Variants in CRYBA4 observed in about 807,000 individuals in gnomAD.
CRYBA4 encodes the protein crystallin beta A4.
A neutral mutation model predicts 31.7 loss-of-function variants in CRYBA4; 30 were observed. That is an observed-to-expected ratio of 0.95 (90% CI 0.71 to 1.28). The LOEUF (loss-of-function observed/expected upper bound fraction) is 1.28, where lower values mean the gene tolerates loss of function less well. Ranked by LOEUF, CRYBA4 falls within the 50% of genes most tolerant of loss-of-function variation. The probability of loss-of-function intolerance (pLI) is 0.00; values close to 1 mark genes in which losing one functional copy is unlikely to be tolerated. For missense variants in CRYBA4, 225 were observed against 260.7 expected, an observed-to-expected ratio of 0.86 and a Z score of 0.94; for synonymous variants, 102 against 102.3, an observed-to-expected ratio of 1.00 and a Z score of 0.02.
the CRYBA4 span, among the ~76,000 whole-genome samples, chr22:26,599,988 A>G: frequency 6.6e-6 from 1 of 152,202 alleles, no homozygotes; most frequent in Admixed American, 6.5e-5. Flanking sequence ...GAATATGAAT[A>G]CACATCCCAT....
the CRYBA4 span, among the ~76,000 whole-genome samples, chr22:26,606,816 T>G: frequency 6.6e-6 from 1 of 152,206 alleles, no homozygotes; most frequent in South Asian, 2.1e-4. Flanking sequence ...CATCAGCAAC[T>G]AACATTGGTG....
chr22:26,620,106 CCTCT>C (rs1929486315), upstream of CRYBA4, among the ~76,000 whole-genome samples: 5 of 151,544 alleles, frequency 3.3e-5, no homozygotes, highest in Admixed American at 3.3e-4. Flanking sequence ...CCCTTTCCTT[CCTCT>C]CTCTCAGCCA....
the CRYBA4 span, among the ~76,000 whole-genome samples, chr22:26,593,714 T>C: frequency 9.9e-5 from 15 of 151,938 alleles, no homozygotes; most frequent in Admixed American, 4.6e-4. Flanking sequence ...GGAGTAGAGA[T>C]GGGATTTCTT....
chr22:26,617,032 C>G (rs185482724), upstream of CRYBA4, among the ~76,000 whole-genome samples: 147 of 152,368 alleles, frequency 9.6e-4, 1 homozygote, highest in Non-Finnish European at 1.5e-3. Flanking sequence ...TGAATGAATG[C>G]ATGCTCCCAG....
chr22:26,605,054 T>G, the CRYBA4 span, among the ~76,000 whole-genome samples: 1 of 152,174 alleles, frequency 6.6e-6, no homozygotes, highest in Non-Finnish European at 1.5e-5. Flanking sequence ...CTAGGAGTTT[T>G]GCACACACTG....
Position 26,622,626 on chromosome 22 carries a change from AC to A in CRYBA4, c.33del (p.Trp12GlyfsTer36). The stretch of plus-strand genomic sequence containing the variant: ...CCCTGCAATGCACAAAGTCAGCGGG[AC>A]CCTGGAAGGTAGGAAGAGGCATGGG... MTLQCTKSAGPWKMVVWDEDG... is the reference protein window; with the variant it reads MTLQCTKSAGXWKMVVWDEDG... On this transcript the variant is annotated frameshift_variant, in exon 2 of 6. Transcript: ENST00000354760. LOFTEE classifies it high-confidence loss of function. 1 of 1,595,106 alleles carries A rather than the reference AC, an allele frequency of 6.3e-7. No individual in the cohort carries two copies. The highest frequency in any genetic ancestry group is 8.5e-7 in the Non-Finnish European group (1 of 1,169,750).
the CRYBA4 span, among the ~76,000 whole-genome samples, chr22:26,591,890 T>TACACACACACACACACACAC: frequency 7.1e-4 from 96 of 135,954 alleles, no homozygotes; most frequent in East Asian, 1.1e-3. Context: ...CCTGGGTGAG[T>TACACACACACACACACACAC]ACACACACAC....
intron 4 of CRYBA4, 147 bp from the exon 5 acceptor site, chr22:26,628,141 C>T: frequency 1.0e-6 from 1 of 1,002,988 alleles, no homozygotes; most frequent in Non-Finnish European, 1.5e-6. Context: ...GGCAAGGTTT[C>T]TGGTACCTGT....
the CRYBA4 span, among the ~76,000 whole-genome samples, chr22:26,594,694 C>T: frequency 6.7e-6 from 1 of 150,008 alleles, no homozygotes. Flanking sequence ...CTAGCTAAAA[C>T]AAAAAACAAA....
chr22:26,620,811 C>T (rs1764399272), upstream of CRYBA4, among the ~76,000 whole-genome samples: 1 of 152,124 alleles, frequency 6.6e-6, no homozygotes, highest in South Asian at 2.1e-4. Context: ...GATCCACCCA[C>T]CTCGGCCTCC....
chr22:26,623,147 C>T (rs751712137), intron 2 of CRYBA4, 87 bp from the exon 3 acceptor site: 56 of 1,105,326 alleles, frequency 5.1e-5, no homozygotes, highest in Non-Finnish European at 7.7e-5. Flanking sequence ...CCCTGCTTTA[C>T]CTGCCAGATC....
At chr22:26,615,536 T>C in the CRYBA4 span, among the ~76,000 whole-genome samples, 1 of 151,472 alleles carries the variant, frequency 6.6e-6, no homozygotes, top group Non-Finnish European at 1.5e-5. Flanking sequence ...TTTTTTTTGA[T>C]GGAGTCTCCC....
intron 2 of CRYBA4, 102 bp downstream of exon 2, chr22:26,622,737 G>A (rs1929572389): frequency 4.5e-6 from 4 of 889,932 alleles, no homozygotes; most frequent in East Asian, 2.4e-5. Flanking sequence ...TTTCACAGAG[G>A]TGCAATCAAG....
chr22:26,609,131 GGACACT>G, the CRYBA4 span, among the ~76,000 whole-genome samples: 3 of 152,088 alleles, frequency 2.0e-5, no homozygotes, highest in Non-Finnish European at 2.9e-5. Context: ...ACGGATGAGG[GGACACT>G]GACACTAGCA....
the CRYBA4 span, among the ~76,000 whole-genome samples, chr22:26,612,358 T>A: frequency 6.6e-6 from 1 of 152,176 alleles, no homozygotes; most frequent in Non-Finnish European, 1.5e-5. Context: ...TTACTGATTT[T>A]TGTTTTTTGT....
the CRYBA4 span, among the ~76,000 whole-genome samples, chr22:26,602,429 A>AT: frequency 1.0e-4 from 15 of 149,852 alleles, no homozygotes; most frequent in South Asian, 6.4e-4. Flanking sequence ...CAAAAAAATA[A>AT]TTTTTTTTTT....
the CRYBA4 span, chr22:26,616,174 G>A: frequency 6.2e-7 from 1 of 1,614,222 alleles, no homozygotes; most frequent in East Asian, 2.2e-5. Flanking sequence ...CGCCGCCTTG[G>A]CGCTGGTAAT....
chr22:26,615,909 G>A, the CRYBA4 span, among the ~76,000 whole-genome samples: 1 of 152,146 alleles, frequency 6.6e-6, no homozygotes, highest in African/African-American at 2.4e-5. Flanking sequence ...GGGAGGAGGA[G>A]GCCAAGGTGA....
intron 3 of CRYBA4, among the ~76,000 whole-genome samples, 153 bp downstream of exon 3, chr22:26,623,505 G>A (rs1279806336): frequency 1.3e-5 from 2 of 152,156 alleles, no homozygotes; most frequent in Admixed American, 6.5e-5. Flanking sequence ...GGACTGCCAT[G>A]TAAGATTATG....
Sources: allele counts gnomAD v4.1 joint callset (sites outside exome capture counted in the v4.1 genomes callset), GRCh38; gene constraint gnomAD v4.1.1; transcripts MANE v1.5; gene names NCBI Gene and HGNC (gene_info 2026-07-23, HGNC 2026-07-21).